The following COTL1 variants were observed in gnomAD, a reference collection of about 807,000 sequenced individuals.
The protein encoded by COTL1 is coactosin-like protein.
COTL1 carries 15 observed loss-of-function variants against 16.5 expected under a neutral mutation model. That is an observed-to-expected ratio of 0.91 (90% CI 0.61 to 1.40). The LOEUF (loss-of-function observed/expected upper bound fraction) is 1.40, where lower values mean the gene tolerates loss of function less well. Among genes scored for constraint, COTL1 ranks in the 40% most tolerant of loss-of-function variants. The probability of loss-of-function intolerance (pLI) is 0.00; values close to 1 mark genes in which losing one functional copy is unlikely to be tolerated. For missense variants in COTL1, 220 were observed against 201.5 expected, an observed-to-expected ratio of 1.09 and a Z score of -0.56; for synonymous variants, 112 against 85.3, an observed-to-expected ratio of 1.31 and a Z score of -1.73.
chr16:84,579,542 C>A (rs552331167), intron 3 of COTL1, among the ~76,000 whole-genome samples: 1 of 152,194 alleles, frequency 6.6e-6, no homozygotes, highest in African/African-American at 2.4e-5. Flanking sequence ...AGAAAGGACA[C>A]AGGCTATATC....
chr16:84,605,117 A>T (rs572445018), intron 2 of COTL1, among the ~76,000 whole-genome samples: 1 of 151,044 alleles, frequency 6.6e-6, no homozygotes, highest in East Asian at 1.9e-4. Flanking sequence ...AGTGGCCTCT[A>T]AACACTTCCC....
chr16:84,585,479 C>A (rs1022192645), intron 3 of COTL1, among the ~76,000 whole-genome samples: 7 of 152,090 alleles, frequency 4.6e-5, no homozygotes, highest in Non-Finnish European at 1.0e-4. Context: ...TTATTACTGT[C>A]AAAAAGTCAA....
intron 2 of COTL1, among the ~76,000 whole-genome samples, chr16:84,598,967 G>T (rs78986855): frequency 1.3e-5 from 2 of 151,432 alleles, no homozygotes; most frequent in Admixed American, 6.6e-5. Context: ...AGGGAGGGGG[G>T]TAAAGGCAAG....
chr16:84,605,467 A>G (rs1200029763), intron 2 of COTL1, among the ~76,000 whole-genome samples: 3 of 152,232 alleles, frequency 2.0e-5, no homozygotes, highest in African/African-American at 7.2e-5. Context: ...CTCACATGGC[A>G]AAAGGGCTTT....
At chr16:84,584,913 G>T (rs1215692241) in intron 3 of COTL1, among the ~76,000 whole-genome samples, 3 of 152,144 alleles carry the variant, frequency 2.0e-5, no homozygotes, top group Admixed American at 2.0e-4. Context: ...AGTAAGTGAT[G>T]GAGCTGAAAT....
At chr16:84,605,130 G>GGC (rs1555524398) in intron 2 of COTL1, among the ~76,000 whole-genome samples, 1 of 150,042 alleles carries the variant, frequency 6.7e-6, no homozygotes, top group African/African-American at 2.5e-5. Flanking sequence ...CACTTCCCAC[G>GGC]GCCCCCCATG....
chr16:84,616,972 G>C (rs1367941217), intron 2 of COTL1, among the ~76,000 whole-genome samples: 1 of 152,154 alleles, frequency 6.6e-6, no homozygotes, highest in Non-Finnish European at 1.5e-5. Context: ...GTTTCGCCTT[G>C]TCTAGGATTT....
chr16:84,575,329 C>A (rs9925074), intron 3 of COTL1: 1 of 151,950 alleles, frequency 6.6e-6, no homozygotes, highest in African/African-American at 2.4e-5. Flanking sequence ...TGAGTCACCA[C>A]GCCCAGCCCA....
intron 2 of COTL1, among the ~76,000 whole-genome samples, chr16:84,604,167 C>G: frequency 1.0e-5 from 1 of 96,970 alleles, no homozygotes; most frequent in Non-Finnish European, 2.1e-5. Flanking sequence ...CCCCCACCTA[C>G]ACTACCCCCT....
chr16:84,604,122 C>T (rs1436707087), intron 2 of COTL1, among the ~76,000 whole-genome samples: 1 of 139,536 alleles, frequency 7.2e-6, no homozygotes, highest in Admixed American at 7.1e-5. Context: ...CCACTCCCCA[C>T]CCATGCTCCC....
intron 2 of COTL1, among the ~76,000 whole-genome samples, chr16:84,617,153 G>C (rs555612075): frequency 6.8e-6 from 1 of 146,092 alleles, no homozygotes; most frequent in South Asian, 2.1e-4. Flanking sequence ...TGGGCTCAGT[G>C]ACTGATCAAA....
At chr16:84,591,005 G>C (rs1904847661) in intron 2 of COTL1, among the ~76,000 whole-genome samples, 1 of 151,968 alleles carries the variant, frequency 6.6e-6, no homozygotes, top group Non-Finnish European at 1.5e-5. Flanking sequence ...ATCTTATATA[G>C]TCATTTTTAT....
intron 2 of COTL1, among the ~76,000 whole-genome samples, chr16:84,594,001 A>T (rs925474381): frequency 6.6e-6 from 1 of 152,100 alleles, no homozygotes; most frequent in Non-Finnish European, 1.5e-5. Flanking sequence ...TGTGCTGGAC[A>T]TTTCATTGAA....
chr16:84,592,541 G>A (rs958540299), intron 2 of COTL1, among the ~76,000 whole-genome samples: 16 of 150,730 alleles, frequency 1.1e-4, no homozygotes, highest in East Asian at 7.8e-4. Flanking sequence ...TGGGGTCTAC[G>A]CTTCTAAGAA....
chr16:84,585,874 A>C (rs903434133), intron 3 of COTL1, among the ~76,000 whole-genome samples: 2 of 152,208 alleles, frequency 1.3e-5, no homozygotes, highest in Non-Finnish European at 2.9e-5. Context: ...ATGAGCCTGC[A>C]CCTGTAGTTC....
chr16:84,581,192 A>T (rs1307873251), intron 3 of COTL1, among the ~76,000 whole-genome samples: 2 of 74,738 alleles, frequency 2.7e-5, no homozygotes, highest in Non-Finnish European at 5.6e-5. Flanking sequence ...TGTATGTATG[A>T]CATGAGCAAC....
intron 2 of COTL1, among the ~76,000 whole-genome samples, chr16:84,612,423 G>A (rs1427018321): frequency 6.6e-6 from 1 of 152,122 alleles, no homozygotes; most frequent in Non-Finnish European, 1.5e-5. Context: ...TGTGCTGAGT[G>A]GGGACGTGTA....
intron 2 of COTL1, among the ~76,000 whole-genome samples, chr16:84,615,250 A>T (rs114343438): frequency 2.4e-4 from 36 of 152,348 alleles, no homozygotes; most frequent in African/African-American, 8.7e-4. Flanking sequence ...TGGCCCATTC[A>T]TGAGGATCCA....
intron 3 of COTL1, among the ~76,000 whole-genome samples, chr16:84,589,763 A>T (rs1422992466): frequency 6.6e-6 from 1 of 152,002 alleles, no homozygotes; most frequent in Non-Finnish European, 1.5e-5. Flanking sequence ...GCCGACAGTC[A>T]GCCAGGACAC....
Sources: allele counts gnomAD v4.1 joint callset (sites outside exome capture counted in the v4.1 genomes callset), GRCh38; gene constraint gnomAD v4.1.1; transcripts MANE v1.5; gene names NCBI Gene and HGNC (gene_info 2026-07-23, HGNC 2026-07-21).